Variants in PAPPA2 observed in about 807,000 individuals in gnomAD.
PAPPA2 encodes pappalysin 2, also known as pappalysin-2.
PAPPA2 carries 86 observed loss-of-function variants against 176.4 expected under a neutral mutation model. The observed-to-expected ratio is 0.49, with a 90% CI of 0.41 to 0.58. PAPPA2 has a LOEUF of 0.58. PAPPA2 is among the 20% of genes least tolerant of loss of function. The pLI is 0.00. For missense variants in PAPPA2, 2,073 were observed against 2,256.9 expected (o/e 0.92, Z 1.65); for synonymous variants, 809 against 852.2 (o/e 0.95, Z 0.88).
chr1:176,650,568 C>T (rs1288054508), intron 3 of PAPPA2, among the ~76,000 whole-genome samples: 1 of 151,632 alleles, frequency 6.6e-6, no homozygotes, highest in Non-Finnish European at 1.5e-5. Context: ...ATCCCCCCAC[C>T]CCATGACAGG....
chr1:176,787,723 T>C lies in PAPPA2; in HGVS notation c.4716-2086T>C, dbSNP rs547382471. ...CTGTGATGTGAGGTCTTCGAGAAATTACTTAACATCCTTTAGTGTGTTTCT... is the reference window on the plus strand; with the variant it reads ...CTGTGATGTGAGGTCTTCGAGAAATCACTTAACATCCTTTAGTGTGTTTCT... On this transcript the variant is annotated intron_variant, in intron 17 of 22. Coordinates refer to ENST00000367662, the MANE Select transcript of PAPPA2 (RefSeq NM_020318.3). 2.6e-5 allele frequency among the ~76,000 whole-genome samples: 4 copies of C among 151,298 alleles called. No individual in the cohort carries two copies. In the East Asian group the frequency reaches 7.7e-4, roughly 29 times the overall value.
At chr1:176,604,246 T>G (rs1654487716) in intron 3 of PAPPA2, among the ~76,000 whole-genome samples, 1 of 152,194 alleles carries the variant, frequency 6.6e-6, no homozygotes, top group Non-Finnish European at 1.5e-5. Context: ...TTCCCCTGCT[T>G]TATTTTTCTT....
chr1:176,572,991 T>G (rs1456478972), intron 2 of PAPPA2, among the ~76,000 whole-genome samples: 1 of 152,206 alleles, frequency 6.6e-6, no homozygotes, highest in Non-Finnish European at 1.5e-5. Context: ...AATTATTTAT[T>G]TGACTGAGAA....
intron 1 of PAPPA2, among the ~76,000 whole-genome samples, chr1:176,534,876 A>T (rs950923619): frequency 6.6e-6 from 1 of 152,204 alleles, no homozygotes; most frequent in Non-Finnish European, 1.5e-5. Context: ...AAACAGTTGG[A>T]ATAGAGATGC....
intron 8 of PAPPA2, among the ~76,000 whole-genome samples, chr1:176,700,189 A>G (rs1261428455): frequency 2.0e-5 from 3 of 152,046 alleles, no homozygotes; most frequent in South Asian, 2.1e-4. Context: ...GAGTTCTACT[A>G]TGTTCCTGGC....
chr1:176,541,905 A>G (rs1167294930), intron 1 of PAPPA2, among the ~76,000 whole-genome samples: 2 of 152,248 alleles, frequency 1.3e-5, no homozygotes, highest in East Asian at 3.9e-4. Context: ...TGTTGTAGTC[A>G]TGCTGACTCT....
intron 3 of PAPPA2, among the ~76,000 whole-genome samples, chr1:176,641,184 C>G (rs964172131): frequency 2.0e-5 from 3 of 151,690 alleles, no homozygotes; most frequent in Non-Finnish European, 4.4e-5. Flanking sequence ...TGCAGAAGCT[C>G]TTTAGTTTAA....
chr1:176,645,489 C>T (rs1657345623), intron 3 of PAPPA2, among the ~76,000 whole-genome samples: 1 of 151,712 alleles, frequency 6.6e-6, no homozygotes, highest in African/African-American at 2.4e-5. Context: ...ATCCATTCAT[C>T]CTTTGATGAG....
rs1663280473 is a variant in PAPPA2 at position 176,753,564 on chromosome 1, T to G, written c.4152-12102T>G. 3.3e-5 allele frequency among the ~76,000 whole-genome samples: 5 copies of G among 149,366 alleles called. No individual in the cohort carries two copies. In the South Asian group the frequency reaches 1.1e-3, roughly 32 times the overall value. On this transcript the variant is annotated intron_variant, in intron 14 of 22. Coordinates refer to ENST00000367662, the MANE Select transcript of PAPPA2 (RefSeq NM_020318.3). The stretch of plus-strand genomic sequence containing the variant: ...ATGTGAAGGCTCCTCCTTTTTTTTT[T>G]TTTTTTTTTTTTTTTTGGCTTAGGG...
intron 2 of PAPPA2, among the ~76,000 whole-genome samples, chr1:176,571,880 A>T (rs757810934): frequency 7.2e-5 from 11 of 152,340 alleles, no homozygotes; most frequent in Non-Finnish European, 1.6e-4. Flanking sequence ...GGTTCAGCCC[A>T]ATCCTTTTTA....
intron 3 of PAPPA2, among the ~76,000 whole-genome samples, chr1:176,664,520 C>G (rs1438474298): frequency 6.6e-6 from 1 of 152,140 alleles, no homozygotes; most frequent in Non-Finnish European, 1.5e-5. Flanking sequence ...GAATAATCTC[C>G]TCGTCTCAAA....
intron 2 of PAPPA2, among the ~76,000 whole-genome samples, chr1:176,562,504 G>T (rs1293705262): frequency 1.3e-5 from 2 of 152,176 alleles, no homozygotes; most frequent in Admixed American, 1.3e-4. Flanking sequence ...CTCCTCAGTT[G>T]CTTCTTCCTA....
At chr1:176,675,880 A>C (rs1402682110) in intron 4 of PAPPA2, among the ~76,000 whole-genome samples, 1 of 152,080 alleles carries the variant, frequency 6.6e-6, no homozygotes, top group Admixed American at 6.6e-5. Flanking sequence ...AAAACTCAAC[A>C]GTAAAACAAA....
rs565266831 is a variant in PAPPA2 at position 176,733,934 on chromosome 1, C to T, written c.3799-5692C>T. 4.6e-5 allele frequency among the ~76,000 whole-genome samples: 7 copies of T among 152,154 alleles called. No homozygotes were observed. In the South Asian group the frequency reaches 1.5e-3, roughly 32 times the overall value. On this transcript the variant is annotated intron_variant, in intron 12 of 22. Coordinates refer to ENST00000367662, the MANE Select transcript of PAPPA2 (RefSeq NM_020318.3). ...CAGAGTTGTCCCACTCTGTATACCA[C>T]TCACCCCAACCAAAAGGTTATTGGA... is the stretch of plus-strand genomic sequence containing the variant.
At chr1:176,650,684 T>C (rs539930565) in intron 3 of PAPPA2, among the ~76,000 whole-genome samples, 1 of 151,764 alleles carries the variant, frequency 6.6e-6, no homozygotes, top group South Asian at 2.1e-4. Flanking sequence ...GTCTTTTAAT[T>C]GTAGAATTGA....
In PAPPA2 at chr1:176,711,986, G is replaced by C. The variant is rs762024637; in HGVS notation, c.3798+5G>C. On this transcript the variant is annotated splice_donor_5th_base_variant and intron_variant, in intron 12 of 22. Transcript: ENST00000367662. ...GAGGATGAGGTTTGGCTCAAAGTAA[G>C]TGGCCCAAATGTTTCTTTTGTGCAT... 2 of 1,609,124 alleles carry C rather than the reference G, an allele frequency of 1.2e-6. No individual in the cohort carries two copies. The highest frequency in any genetic ancestry group is 2.2e-5 in the South Asian group (2 of 90,968).
At chr1:176,729,604 C>T (rs923159173) in intron 12 of PAPPA2, among the ~76,000 whole-genome samples, 3 of 151,974 alleles carry the variant, frequency 2.0e-5, no homozygotes, top group African/African-American at 4.8e-5. Context: ...ACCCTAACAT[C>T]GCAATTAGAA....
At chr1:176,781,009 A>G (rs1220161479) in intron 17 of PAPPA2, among the ~76,000 whole-genome samples, 2 of 152,310 alleles carry the variant, frequency 1.3e-5, no homozygotes, top group East Asian at 3.9e-4. Flanking sequence ...ACCTGGGCAT[A>G]TTTGGCAGAA....
At chr1:176,538,168 C>T (rs1164069487) in intron 1 of PAPPA2, among the ~76,000 whole-genome samples, 1 of 152,134 alleles carries the variant, frequency 6.6e-6, no homozygotes, top group Non-Finnish European at 1.5e-5. Flanking sequence ...CATACACACT[C>T]TCAAGTGTCA....
Sources: gnomAD v4.1 joint callset for allele counts (sites outside exome capture counted in the v4.1 genomes callset) on GRCh38, gnomAD v4.1.1 for gene constraint, MANE v1.5 for transcripts, NCBI Gene and HGNC (gene_info 2026-07-23, HGNC 2026-07-21) for gene names.